The following NPLOC4 variants were observed in gnomAD, a reference collection of about 807,000 sequenced individuals.
The protein encoded by NPLOC4 is NPL4 homolog, ubiquitin recognition factor.
In NPLOC4, 18 loss-of-function variants were observed where a neutral mutation model predicts 80.6. The observed-to-expected ratio is 0.22, with a 90% CI of 0.15 to 0.33. The LOEUF is 0.33. Among genes scored for constraint, NPLOC4 ranks in the 10% least tolerant of loss-of-function variants. The pLI, the probability that NPLOC4 is intolerant of heterozygous loss-of-function variation, is 1.00. For synonymous variants in NPLOC4, 313 were observed against 301.5 expected (o/e 1.04, Z -0.39); for missense variants, 540 against 786.1 (o/e 0.69, Z 3.74).
At chr17:81,587,592 G>A (rs1474376279) in intron 12 of NPLOC4, among the ~76,000 whole-genome samples, 1 of 140,532 alleles carries the variant, frequency 7.1e-6, no homozygotes, top group Non-Finnish European at 1.5e-5. Flanking sequence ...TGGGATTACA[G>A]GCGTGAGCCA....
At chr17:81,626,167 T>C (rs1383131172) in intron 2 of NPLOC4, among the ~76,000 whole-genome samples, 2 of 117,958 alleles carry the variant, frequency 1.7e-5, no homozygotes, top group African/African-American at 3.3e-5. Flanking sequence ...AAAAAAAAAA[T>C]TAGCCAGGTG....
At chr17:81,599,158 G>A (rs1053832846) in intron 9 of NPLOC4, among the ~76,000 whole-genome samples, 3 of 151,788 alleles carry the variant, frequency 2.0e-5, no homozygotes, top group Admixed American at 6.6e-5. Context: ...GCGTTGTGGC[G>A]GGTGCCTGTA....
At chr17:81,583,444 AAT>A (rs2034495525) in intron 12 of NPLOC4, among the ~76,000 whole-genome samples, 1 of 152,224 alleles carries the variant, frequency 6.6e-6, no homozygotes, top group Non-Finnish European at 1.5e-5. Flanking sequence ...GTTATCATTA[AAT>A]ATGTTTTCTT....
At chr17:81,631,412 TAAAGTGTAC>T (rs2035921798) in intron 1 of NPLOC4, among the ~76,000 whole-genome samples, 1 of 120,970 alleles carries the variant, frequency 8.3e-6, no homozygotes, top group African/African-American at 3.1e-5. Flanking sequence ...ATATGCATAT[TAAAGTGTAC>T]ATATATATAT....
intron 8 of NPLOC4, among the ~76,000 whole-genome samples, chr17:81,602,815 G>A (rs1362838089): frequency 6.6e-6 from 1 of 151,828 alleles, no homozygotes; most frequent in African/African-American, 2.4e-5. Flanking sequence ...TGAGGCGAGT[G>A]AACTGTGTGA....
At chr17:81,626,102 T>C (rs1415859781) in intron 2 of NPLOC4, among the ~76,000 whole-genome samples, 3 of 150,874 alleles carry the variant, frequency 2.0e-5, no homozygotes, top group Admixed American at 6.6e-5. Context: ...TGGGCAGAGA[T>C]TGCGCCACTG....
At chr17:81,619,689 G>C (rs1180908737) in intron 3 of NPLOC4, among the ~76,000 whole-genome samples, 4 of 151,962 alleles carry the variant, frequency 2.6e-5, no homozygotes, top group Admixed American at 6.6e-5. Flanking sequence ...GATCAGCCTG[G>C]CCAACACGGT....
intron 13 of NPLOC4, among the ~76,000 whole-genome samples, chr17:81,571,147 T>C (rs931854362): frequency 1.3e-5 from 2 of 152,320 alleles, no homozygotes; most frequent in South Asian, 4.1e-4. Context: ...ATCGATGGGC[T>C]TGGCTCGTGG....
intron 3 of NPLOC4, among the ~76,000 whole-genome samples, chr17:81,620,093 GA>G (rs2035624011): frequency 6.6e-6 from 1 of 152,150 alleles, no homozygotes; most frequent in African/African-American, 2.4e-5. Context: ...TAAATTTCAA[GA>G]AAAGGGAAGA....
At chr17:81,636,820 C>T in intron 1 of NPLOC4, 96 bp downstream of exon 1, 1 of 1,255,930 alleles carries the variant, frequency 8.0e-7, no homozygotes, top group Non-Finnish European at 1.0e-6. Flanking sequence ...GGGGCCGAGT[C>T]GCGGCGCCGG....
rs1337297621 is a variant in NPLOC4, at chr17:81,629,971, GA to G, written c.16-167del. 6.9e-6 allele frequency: 4 copies of G among 576,758 alleles called. No homozygotes were observed. The Admixed American group carries it at 1.3e-4, about 19-fold the overall frequency. 35.7% of individuals were successfully genotyped at this position (576,758 alleles called of 1,614,324 possible). A position where few individuals can be genotyped will look rare whatever the true frequency, so the allele number is the denominator to read the frequency against. On this transcript the variant is annotated intron_variant, in intron 1 of 16. Coordinates refer to ENST00000331134, the MANE Select transcript of NPLOC4 (RefSeq NM_017921.4). ...CTCAATCCTTCTAGAATATGATGCC[GA>G]GGGGTGAGATTCATCAACATATGGG... is the stretch of plus-strand genomic sequence containing the variant.
At position 81,608,779 on chromosome 17, in the gene NPLOC4, T is replaced by C; in HGVS notation, c.479A>G (p.Lys160Arg). The change falls in exon 6 of 17, where the codon AAG (lysine) becomes AGG (arginine). Residue 160 changes from lysine to arginine, a missense_variant. Physicochemically the swap from Lys to Arg is conservative, Grantham distance 26 (BLOSUM62 2). This residue lies in a region of NPLOC4 where 61 missense variants were observed against 156.7 expected (regional missense o/e 0.39). Transcript: ENST00000331134. ...GATGTAGGCGTGGAAGGACATGTGC[T>C]TCACGGGAGGCTCGAGATGGTTTAG... is the stretch of plus-strand genomic sequence containing the variant. ...DYLNHLEPPVKHMSFHAYIRK... is the reference protein window; with the variant it reads ...DYLNHLEPPVRHMSFHAYIRK... 6.3e-7 allele frequency: 1 copy of C among 1,593,224 alleles called. No homozygotes were observed. The highest frequency in any genetic ancestry group is 8.6e-7 in the Non-Finnish European group (1 of 1,169,528).
chr17:81,616,386 A>G (rs1345210021), intron 3 of NPLOC4, among the ~76,000 whole-genome samples: 1 of 151,548 alleles, frequency 6.6e-6, no homozygotes, highest in African/African-American at 2.4e-5. Context: ...CCTCAAGACC[A>G]AGTTTGGTCA....
chr17:81,601,440 T>C (rs998680247), intron 8 of NPLOC4, among the ~76,000 whole-genome samples: 6 of 152,210 alleles, frequency 3.9e-5, no homozygotes, highest in African/African-American at 1.4e-4. Flanking sequence ...TGTGTATTTT[T>C]AGTAGAAACG....
At chr17:81,620,605 A>C (rs557846281) in intron 3 of NPLOC4, among the ~76,000 whole-genome samples, 32 of 152,324 alleles carry the variant, frequency 2.1e-4, no homozygotes, top group African/African-American at 7.7e-4. Flanking sequence ...TGCAATGGTG[A>C]CACATAAGGT....
intron 12 of NPLOC4, among the ~76,000 whole-genome samples, chr17:81,587,188 T>C (rs1328831331): frequency 6.6e-6 from 1 of 152,222 alleles, no homozygotes; most frequent in East Asian, 1.9e-4. Flanking sequence ...TAAAAGTTAA[T>C]ATGGGTCGGG....
chr17:81,565,015 G>C, intron 16 of NPLOC4: 1 of 424,604 alleles, frequency 2.4e-6, no homozygotes, highest in Non-Finnish European at 4.2e-6. Context: ...GAATCGTTCA[G>C]GACCTGGTGA....
intron 8 of NPLOC4, among the ~76,000 whole-genome samples, chr17:81,602,298 G>A (rs970781783): frequency 4.6e-5 from 7 of 151,986 alleles, no homozygotes; most frequent in African/African-American, 1.7e-4. Context: ...GGTAATTCTA[G>A]TACTTTAGGA....
At chr17:81,605,141 C>A (rs1294615285) in intron 7 of NPLOC4, among the ~76,000 whole-genome samples, 3 of 151,674 alleles carry the variant, frequency 2.0e-5, no homozygotes, top group Non-Finnish European at 4.4e-5. Context: ...CAGAGCCAGG[C>A]GTGGTGGCGG....
Sources: allele counts gnomAD v4.1 joint callset (sites outside exome capture counted in the v4.1 genomes callset), GRCh38; gene constraint gnomAD v4.1.1; regional missense constraint gnomAD v4.1.1; transcripts MANE v1.5; gene names NCBI Gene and HGNC (gene_info 2026-07-23, HGNC 2026-07-21).